The following CDH12 variants were observed in gnomAD, a reference collection of about 807,000 sequenced individuals.
CDH12 encodes the protein cadherin-12.
Under a neutral mutation model 74.1 loss-of-function variants are expected in CDH12, and 41 were observed. The observed-to-expected ratio is 0.55, with a 90% CI of 0.43 to 0.72. CDH12 has a LOEUF of 0.72. CDH12 is among the 30% of genes least tolerant of loss of function. The probability of loss-of-function intolerance (pLI) is 0.00; values close to 1 mark genes in which losing one functional copy is unlikely to be tolerated. For synonymous variants in CDH12, 399 were observed against 355.0 expected, an observed-to-expected ratio of 1.12 and a Z score of -1.39; for missense variants, 945 against 977.2, an observed-to-expected ratio of 0.97 and a Z score of 0.44.
chr5:22,756,342 A>C (rs1388810747), intron 1 of CDH12, among the ~76,000 whole-genome samples: 1 of 152,102 alleles, frequency 6.6e-6, no homozygotes, highest in Non-Finnish European at 1.5e-5. Context: ...AGAAACCTTT[A>C]TTTAGTTAGG....
In CDH12 at chr5:21,884,111, TGGA is replaced by T. The variant is rs1221520599; in HGVS notation, c.527-29324_527-29322del. On this transcript the variant is annotated intron_variant, in intron 6 of 14. Coordinates refer to ENST00000382254, the MANE Select transcript of CDH12 (RefSeq NM_004061.5). ...CAGAAGTTGGTTATGATGCTATGGT[TGGA>T]GATTTTATGAATATGGTAGAAAAAG... The T allele has an allele frequency of 8.2e-6, 12 of 1,468,902 alleles. No individual in the cohort carries two copies. In the African/African-American group the frequency reaches 1.7e-4, roughly 20 times the overall value. The allele number at this position is 1,468,902 out of a possible 1,614,324, so 91.0% of individuals were successfully genotyped here. A position where few individuals can be genotyped will look rare whatever the true frequency, so the allele number is the denominator to read the frequency against.
At chr5:22,340,006 T>C (rs920852041) in intron 3 of CDH12, among the ~76,000 whole-genome samples, 1 of 152,204 alleles carries the variant, frequency 6.6e-6, no homozygotes. Context: ...TTACTATCTG[T>C]TCAATGGTTT....
At chr5:21,999,256 TCA>T (rs1736466461) in intron 5 of CDH12, among the ~76,000 whole-genome samples, 3 of 152,182 alleles carry the variant, frequency 2.0e-5, no homozygotes. Flanking sequence ...GTGCTTTTTC[TCA>T]CATACTTTTA....
At chr5:22,608,762 G>T (rs982157729) in intron 1 of CDH12, among the ~76,000 whole-genome samples, 1 of 152,122 alleles carries the variant, frequency 6.6e-6, no homozygotes, top group African/African-American at 2.4e-5. Context: ...GTTTTCGTGA[G>T]ATCTGATGGT....
chr5:21,808,038 G>A (rs888338463), intron 9 of CDH12, among the ~76,000 whole-genome samples: 4 of 152,032 alleles, frequency 2.6e-5, no homozygotes, highest in Non-Finnish European at 4.4e-5. Flanking sequence ...AGTGCTCAAG[G>A]GGTGCCTGTG....
intron 3 of CDH12, among the ~76,000 whole-genome samples, chr5:22,366,254 C>A (rs1046260510): frequency 2.0e-5 from 3 of 151,870 alleles, no homozygotes; most frequent in Non-Finnish European, 4.4e-5. Context: ...ATCACACCCA[C>A]CCTCAGTCTA....
chr5:22,686,861 C>G (rs1178101976), intron 1 of CDH12, among the ~76,000 whole-genome samples: 1 of 152,178 alleles, frequency 6.6e-6, no homozygotes, highest in Admixed American at 6.5e-5. Context: ...TGTCTGCTCA[C>G]TATAACGCTT....
chr5:22,387,984 A>G (rs1451555226), intron 3 of CDH12, among the ~76,000 whole-genome samples: 1 of 152,166 alleles, frequency 6.6e-6, no homozygotes, highest in East Asian at 1.9e-4. Flanking sequence ...TTAGACAAGC[A>G]GTGTTTCAAA....
intron 1 of CDH12, among the ~76,000 whole-genome samples, chr5:22,844,716 C>T (rs1737224525): frequency 6.6e-6 from 1 of 152,138 alleles, no homozygotes; most frequent in African/African-American, 2.4e-5. Flanking sequence ...CCACTCTAAG[C>T]TGACTTTCAT....
At chr5:22,417,413 T>G (rs1444130) in intron 2 of CDH12, among the ~76,000 whole-genome samples, 7,979 of 152,246 alleles carry the variant, frequency 0.052, 723 homozygotes, top group African/African-American at 0.18. Context: ...AAGGATGATT[T>G]CAGCCTCATC....
At position 21,995,540 on chromosome 5, in the gene CDH12, T is replaced by G. The variant is rs555473049; in HGVS notation, c.232-20155A>C. 2.0e-5 allele frequency among the ~76,000 whole-genome samples: 3 copies of G among 151,972 alleles called. No individual in the cohort carries two copies. In the East Asian group the frequency reaches 5.8e-4, roughly 30 times the overall value. Reference sequence around the variant, plus strand: ...TTTTAAAACAGGGGATTTTTGAAAATGAAAGCTTAGCAGCCACCTCATTAT... The same window carrying G: ...TTTTAAAACAGGGGATTTTTGAAAAGGAAAGCTTAGCAGCCACCTCATTAT... On this transcript the variant is annotated intron_variant, in intron 5 of 14. Transcript: ENST00000382254.
At chr5:22,681,999 A>G (rs1209266023) in intron 1 of CDH12, among the ~76,000 whole-genome samples, 3 of 152,114 alleles carry the variant, frequency 2.0e-5, no homozygotes, top group African/African-American at 7.2e-5. Context: ...ACATTCATGG[A>G]AACATAAATC....
At chr5:22,720,235 T>G (rs2126988056) in intron 1 of CDH12, among the ~76,000 whole-genome samples, 1 of 152,200 alleles carries the variant, frequency 6.6e-6, no homozygotes, top group South Asian at 2.1e-4. Context: ...TTCTCACAAT[T>G]TTGTCTTTGT....
chr5:22,540,894 T>C (rs772376297), intron 1 of CDH12, among the ~76,000 whole-genome samples: 7 of 152,196 alleles, frequency 4.6e-5, no homozygotes, highest in Non-Finnish European at 1.0e-4. Flanking sequence ...ATAGCAATTA[T>C]TGGTAATGGC....
intron 3 of CDH12, among the ~76,000 whole-genome samples, chr5:22,279,070 A>G (rs1414399110): frequency 1.3e-5 from 2 of 152,180 alleles, no homozygotes; most frequent in African/African-American, 4.8e-5. Flanking sequence ...ATAATTATAG[A>G]TAAATATTTA....
chr5:22,541,994 T>C (rs1310219142), intron 1 of CDH12, among the ~76,000 whole-genome samples: 5 of 152,226 alleles, frequency 3.3e-5, no homozygotes, highest in Non-Finnish European at 7.3e-5. Context: ...ACAAAGCCAA[T>C]ACAGACAATA....
intron 3 of CDH12, among the ~76,000 whole-genome samples, chr5:22,344,168 G>T (rs1174526134): frequency 6.6e-6 from 1 of 152,094 alleles, no homozygotes; most frequent in Non-Finnish European, 1.5e-5. Context: ...GGCGAAAATT[G>T]GGCCTTAGGT....
intron 3 of CDH12, among the ~76,000 whole-genome samples, chr5:22,361,718 G>C (rs1045727418): frequency 6.6e-6 from 1 of 152,094 alleles, no homozygotes; most frequent in African/African-American, 2.4e-5. Context: ...CATGGTACTG[G>C]TATGAAAACA....
intron 1 of CDH12, among the ~76,000 whole-genome samples, chr5:22,659,388 A>C (rs1279985551): frequency 2.0e-5 from 3 of 151,830 alleles, no homozygotes; most frequent in Non-Finnish European, 4.4e-5. Flanking sequence ...CAAATAAAAT[A>C]ATACTGTGAT....
Sources: gnomAD v4.1 joint callset for allele counts (sites outside exome capture counted in the v4.1 genomes callset) on GRCh38, gnomAD v4.1.1 for gene constraint, MANE v1.5 for transcripts, NCBI Gene and HGNC (gene_info 2026-07-23, HGNC 2026-07-21) for gene names.